MIPEP: variants seen among roughly 807,000 people sequenced by gnomAD.
MIPEP encodes the protein mitochondrial intermediate peptidase.
Under a neutral mutation model 90.3 loss-of-function variants are expected in MIPEP, and 79 were observed. The observed-to-expected ratio is 0.87, with a 90% confidence interval of 0.73 to 1.05. MIPEP has a LOEUF of 1.05. Ranked by LOEUF, MIPEP falls within the 50% of genes least tolerant of loss-of-function variation. The probability of loss-of-function intolerance (pLI) is 0.00; values close to 1 mark genes in which losing one functional copy is unlikely to be tolerated. For missense variants in MIPEP, 940 were observed against 905.6 expected (o/e 1.04, Z -0.49); for synonymous variants, 334 against 315.8 (o/e 1.06, Z -0.61).
chr13:23,781,286 T>C (rs928822656), intron 16 of MIPEP, among the ~76,000 whole-genome samples: 2 of 151,866 alleles, frequency 1.3e-5, no homozygotes, highest in Non-Finnish European at 2.9e-5. Context: ...CAGAAGAGAG[T>C]GGGGGCCAAT....
intron 16 of MIPEP, among the ~76,000 whole-genome samples, chr13:23,804,397 A>G (rs1336770218): frequency 2.6e-5 from 4 of 152,204 alleles, no homozygotes; most frequent in Non-Finnish European, 5.9e-5. Context: ...ACAAGCCCAA[A>G]AGCAGGTGAA....
intron 7 of MIPEP, among the ~76,000 whole-genome samples, chr13:23,865,031 AAAAT>A (rs67463810): frequency 0.94 from 142,672 of 151,868 alleles, 67,050 homozygotes; most frequent in East Asian, 1. Context: ...CAAAATAAGA[AAAAT>A]AAATATTAAC....
intron 2 of MIPEP, among the ~76,000 whole-genome samples, chr13:23,885,551 T>C (rs1004695884): frequency 2.0e-5 from 3 of 151,984 alleles, no homozygotes; most frequent in Non-Finnish European, 2.9e-5. Context: ...AAACATCTCA[T>C]GTACCTCATG....
chr13:23,761,457 G>A (rs1427572629), intron 16 of MIPEP, among the ~76,000 whole-genome samples: 1 of 152,160 alleles, frequency 6.6e-6, no homozygotes, highest in South Asian at 2.1e-4. Flanking sequence ...TTTGGAGTCT[G>A]GCACAGAGAG....
At chr13:23,798,401 C>G (rs1952988227) in intron 16 of MIPEP, among the ~76,000 whole-genome samples, 1 of 152,180 alleles carries the variant, frequency 6.6e-6, no homozygotes, top group Non-Finnish European at 1.5e-5. Flanking sequence ...CAACCTTTCT[C>G]AACTAATACA....
rs1306866448 is a variant in MIPEP, at chr13:23,870,092, T to C, written c.707A>G (p.Glu236Gly). Residue 236 changes from glutamate (E) to glycine (G), a missense_variant, in exon 6 of 19, where the codon GAA becomes GGA. Physicochemically the swap from Glu to Gly is moderately conservative, Grantham distance 98. Coordinates refer to ENST00000382172, the MANE Select transcript of MIPEP (RefSeq NM_005932.4). Reference sequence around the variant, plus strand: ...AGATGTAAAGTTACGACGAATGTGTTCTGGTAAGAGATGCTTCTCAATCTT... The same window carrying C: ...AGATGTAAAGTTACGACGAATGTGTCCTGGTAAGAGATGCTTCTCAATCTT... ...PNKIEKHLLP[E>G]HIRRNFTSAG... 5.6e-6 allele frequency: 9 copies of C among 1,612,796 alleles called. No individual in the cohort carries two copies. Among genetic ancestry groups the C allele is most frequent in the Non-Finnish European group, 6.8e-6 (8 of 1,179,402 alleles).
Position 23,869,406 on chromosome 13 carries a change from C to A in MIPEP, c.829G>T (p.Gly277Cys), listed in dbSNP as rs1870684670. ...AYKIFLYPNA[G>C]QLKCLEELLS... ...AATTCTTCTAAACATTTCAATTGAC[C>A]AGCATTGGGATAAAGAAAAATTTTA... Residue 277 changes from glycine (G) to cysteine (C), a missense_variant, in exon 7 of 19, where the codon GGT becomes TGT. Transcript: ENST00000382172. 1 of 1,611,428 alleles carries A rather than the reference C, an allele frequency of 6.2e-7. No individual in the cohort carries two copies. The highest frequency in any genetic ancestry group is 8.5e-7 in the Non-Finnish European group (1 of 1,179,528).
intron 16 of MIPEP, among the ~76,000 whole-genome samples, chr13:23,781,436 C>A (rs1952781139): frequency 2.0e-5 from 3 of 152,188 alleles, no homozygotes; most frequent in South Asian, 4.1e-4. Context: ...GCTTGCCCTA[C>A]AAGAGCTCCC....
intron 18 of MIPEP, among the ~76,000 whole-genome samples, chr13:23,742,806 T>C (rs1163534451): frequency 1.3e-5 from 2 of 152,252 alleles, no homozygotes; most frequent in South Asian, 2.1e-4. Flanking sequence ...TCCATTTTTC[T>C]ACCTGTTGAC....
intron 14 of MIPEP, among the ~76,000 whole-genome samples, chr13:23,818,725 C>T (rs749049347): frequency 2.0e-5 from 3 of 152,332 alleles, no homozygotes; most frequent in East Asian, 1.9e-4. Flanking sequence ...GGGTAGGTTA[C>T]AGGCTGTTTA....
chr13:23,868,643 A>T (rs1870646989), intron 7 of MIPEP, among the ~76,000 whole-genome samples: 1 of 152,144 alleles, frequency 6.6e-6, no homozygotes, highest in Non-Finnish European at 1.5e-5. Flanking sequence ...ACGCAGCTCC[A>T]TCATCACGGC....
In MIPEP at chr13:23,879,254, A is replaced by C. The variant is rs761060250; in HGVS notation, c.539+14T>G. 1.9e-6 allele frequency: 3 copies of C among 1,542,880 alleles called. No individual in the cohort carries two copies. The East Asian group carries it at 6.7e-5, about 35-fold the overall frequency. ...AGTCACAGTCACAATCAAGGCAAAGAAATGAGTGAGTACCTTGTTTCTGGA... is the reference window on the plus strand; with the variant it reads ...AGTCACAGTCACAATCAAGGCAAAGCAATGAGTGAGTACCTTGTTTCTGGA... On this transcript the variant is annotated intron_variant, in intron 4 of 18. Coordinates refer to ENST00000382172, the MANE Select transcript of MIPEP (RefSeq NM_005932.4).
chr13:23,818,260 A>T (rs1289750739), intron 14 of MIPEP, among the ~76,000 whole-genome samples: 1 of 151,936 alleles, frequency 6.6e-6, no homozygotes, highest in Admixed American at 6.6e-5. Flanking sequence ...CTACTTAAAA[A>T]AAAAAAAAAA....
chr13:23,763,085 T>A (rs1952564726), intron 16 of MIPEP, among the ~76,000 whole-genome samples: 1 of 152,258 alleles, frequency 6.6e-6, no homozygotes, highest in South Asian at 2.1e-4. Context: ...TATAACAAAC[T>A]TTGAATAACT....
intron 16 of MIPEP, among the ~76,000 whole-genome samples, chr13:23,804,718 C>T (rs1431597749): frequency 6.6e-6 from 1 of 152,128 alleles, no homozygotes; most frequent in Non-Finnish European, 1.5e-5. Flanking sequence ...CGATCTCTTC[C>T]CATGCATATT....
intron 15 of MIPEP, among the ~76,000 whole-genome samples, 172 bp downstream of exon 15, chr13:23,809,678 G>A (rs897684142): frequency 1.3e-5 from 2 of 152,122 alleles, no homozygotes; most frequent in Non-Finnish European, 2.9e-5. Flanking sequence ...CTTCATAAGG[G>A]CAGTGTGAGG....
At chr13:23,759,461 C>T (rs1197425910) in intron 17 of MIPEP, among the ~76,000 whole-genome samples, 1 of 150,982 alleles carries the variant, frequency 6.6e-6, no homozygotes, top group East Asian at 2.0e-4. Context: ...ACAGGATTCC[C>T]CACACCCCCA....
chr13:23,851,173 T>G (rs1869786007), intron 10 of MIPEP, among the ~76,000 whole-genome samples: 1 of 152,244 alleles, frequency 6.6e-6, no homozygotes, highest in Non-Finnish European at 1.5e-5. Flanking sequence ...ACCCCTTTTC[T>G]GTCCTGCAGG....
At chr13:23,780,933 TC>T (rs879732478) in intron 16 of MIPEP, among the ~76,000 whole-genome samples, 9 of 152,104 alleles carry the variant, frequency 5.9e-5, no homozygotes, top group Non-Finnish European at 1.0e-4. Flanking sequence ...GAACAAAGCC[TC>T]CAAGAAATAA....
Sources: gnomAD v4.1 joint callset for allele counts (sites outside exome capture counted in the v4.1 genomes callset) on GRCh38, gnomAD v4.1.1 for gene constraint, MANE v1.5 for transcripts, NCBI Gene and HGNC (gene_info 2026-07-23, HGNC 2026-07-21) for gene names.